The following STPG2 variants were observed in gnomAD, a reference collection of about 807,000 sequenced individuals.
STPG2 encodes sperm-tail PG-rich repeat-containing protein 2.
A neutral mutation model predicts 54.2 loss-of-function variants in STPG2; 56 were observed. The ratio of observed to expected loss-of-function variants is 1.03; its 90% confidence interval spans 0.83 to 1.29. STPG2 has a LOEUF of 1.29. STPG2 is among the 50% of genes most tolerant of loss of function. STPG2 has a pLI of 0.00. For missense variants in STPG2, 596 were observed against 544.9 expected (o/e 1.09, Z -0.93); for synonymous variants, 200 against 181.8 (o/e 1.10, Z -0.81).
chr4:97,606,746 A>G (rs960980756), intron 10 of STPG2, among the ~76,000 whole-genome samples: 2 of 151,912 alleles, frequency 1.3e-5, no homozygotes, highest in African/African-American at 2.4e-5. Context: ...TCTTTATGCT[A>G]TTTTGTCTTT....
At chr4:97,737,124 A>G (rs1280937025) in intron 9 of STPG2, among the ~76,000 whole-genome samples, 1 of 152,166 alleles carries the variant, frequency 6.6e-6, no homozygotes, top group Non-Finnish European at 1.5e-5. Flanking sequence ...CCTCTAGCAA[A>G]CTCCAACACA....
chr4:97,655,122 T>G (rs1722185241), intron 10 of STPG2, among the ~76,000 whole-genome samples: 2 of 152,102 alleles, frequency 1.3e-5, no homozygotes, highest in South Asian at 4.1e-4. Flanking sequence ...ACACTCATAA[T>G]GAATTATGAA....
At chr4:97,721,125 C>T (rs913546970) in intron 9 of STPG2, among the ~76,000 whole-genome samples, 3 of 152,068 alleles carry the variant, frequency 2.0e-5, no homozygotes, top group African/African-American at 7.2e-5. Context: ...AACAGCCTCA[C>T]TCATTTAGGC....
chr4:97,826,832 G>A (rs1212883157), intron 9 of STPG2, among the ~76,000 whole-genome samples: 3 of 152,192 alleles, frequency 2.0e-5, no homozygotes, highest in Non-Finnish European at 4.4e-5. Flanking sequence ...AGTAATAATT[G>A]TAATTGTTAC....
intron 5 of STPG2, among the ~76,000 whole-genome samples, chr4:98,002,497 G>A (rs2149276580): frequency 6.6e-6 from 1 of 152,050 alleles, no homozygotes; most frequent in Middle Eastern, 3.4e-3. Flanking sequence ...AGCTCAGCTG[G>A]CCAGATGTAT....
chr4:97,904,863 G>A (rs1401480445), intron 8 of STPG2, among the ~76,000 whole-genome samples: 2 of 152,180 alleles, frequency 1.3e-5, no homozygotes, highest in Non-Finnish European at 2.9e-5. Context: ...ATCAGCGATG[G>A]AAGATGAAAT....
chr4:97,715,920 A>G (rs4699570), intron 9 of STPG2, among the ~76,000 whole-genome samples: 149,638 of 152,246 alleles, frequency 0.98, 73,559 homozygotes, highest in Middle Eastern at 1. Context: ...CTACAGAATT[A>G]GAGAAAATTT....
rs185976117 is a variant in STPG2, at chr4:97,639,422, C to T, written c.1320+73277G>A. On this transcript the variant is annotated intron_variant, in intron 10 of 10. Coordinates refer to ENST00000295268, the MANE Select transcript of STPG2 (RefSeq NM_174952.3). ...TGACGAGTTAGTGGGTGCAGCACAC[C>T]AGCATGGCACATGTATACGTATGTA... 2.7e-4 allele frequency among the ~76,000 whole-genome samples: 41 copies of T among 151,684 alleles called. No homozygotes were observed. In the East Asian group the frequency reaches 7.4e-3, roughly 28 times the overall value.
chr4:97,901,163 G>C (rs1731162369), intron 8 of STPG2, among the ~76,000 whole-genome samples: 1 of 151,780 alleles, frequency 6.6e-6, no homozygotes, highest in Non-Finnish European at 1.5e-5. Flanking sequence ...ATATCATTGT[G>C]TCCCATAACT....
chr4:97,797,813 G>T (rs1727250155), intron 9 of STPG2, among the ~76,000 whole-genome samples: 1 of 152,156 alleles, frequency 6.6e-6, no homozygotes, highest in African/African-American at 2.4e-5. Context: ...AATCCGTCTG[G>T]TCCTGGACTT....
At chr4:97,837,433 G>A (rs1040602678) in intron 9 of STPG2, among the ~76,000 whole-genome samples, 14 of 151,592 alleles carry the variant, frequency 9.2e-5, no homozygotes, top group African/African-American at 3.4e-4. Flanking sequence ...ACTAAAAACA[G>A]GTCAATGTGA....
At chr4:97,890,643 A>G (rs968468619) in intron 8 of STPG2, among the ~76,000 whole-genome samples, 1 of 151,868 alleles carries the variant, frequency 6.6e-6, no homozygotes, top group African/African-American at 2.4e-5. Flanking sequence ...ATTATAGTTA[A>G]TAATTTATTA....
chr4:97,938,345 C>T (rs1037110553), intron 8 of STPG2, among the ~76,000 whole-genome samples: 3 of 152,258 alleles, frequency 2.0e-5, no homozygotes, highest in African/African-American at 7.2e-5. Context: ...TAGCTGTCAT[C>T]CCTCCCCTGG....
intron 4 of STPG2, among the ~76,000 whole-genome samples, chr4:97,533,848 G>GTATTTGTA (rs1268587982): frequency 6.6e-6 from 1 of 152,036 alleles, no homozygotes; most frequent in Non-Finnish European, 1.5e-5. Flanking sequence ...GTGAAAATCT[G>GTATTTGTA]TATACAAGTC....
At chr4:97,823,039 A>T (rs1728135149) in intron 9 of STPG2, among the ~76,000 whole-genome samples, 1 of 152,248 alleles carries the variant, frequency 6.6e-6, no homozygotes, top group Non-Finnish European at 1.5e-5. Context: ...ATTCACAAAG[A>T]TTAAGGAAAG....
chr4:97,900,194 A>G (rs1326613081), intron 8 of STPG2, among the ~76,000 whole-genome samples: 2 of 152,158 alleles, frequency 1.3e-5, no homozygotes, highest in Non-Finnish European at 2.9e-5. Flanking sequence ...ACTAATAATT[A>G]TACAAATGCA....
At chr4:97,844,133 A>G (rs1291317801) in intron 8 of STPG2, among the ~76,000 whole-genome samples, 3 of 151,840 alleles carry the variant, frequency 2.0e-5, no homozygotes, top group Non-Finnish European at 2.9e-5. Context: ...TTTCAATTTC[A>G]TTCAAGGCTC....
At chr4:98,056,169 C>T (rs538384409) in intron 5 of STPG2, among the ~76,000 whole-genome samples, 4 of 152,224 alleles carry the variant, frequency 2.6e-5, no homozygotes, top group African/African-American at 9.6e-5. Context: ...GCCAACAAGC[C>T]CCACCACCAC....
intron 4 of STPG2, among the ~76,000 whole-genome samples, chr4:97,553,336 A>G (rs551038398): frequency 4.6e-5 from 7 of 152,278 alleles, no homozygotes; most frequent in African/African-American, 1.7e-4. Flanking sequence ...AAAGCTCAGG[A>G]AAACAGTCAT....
Sources: allele counts gnomAD v4.1 joint callset (sites outside exome capture counted in the v4.1 genomes callset), GRCh38; gene constraint gnomAD v4.1.1; transcripts MANE v1.5; gene names NCBI Gene and HGNC (gene_info 2026-07-23, HGNC 2026-07-21).